ASPRV1: variants seen among roughly 807,000 people sequenced by gnomAD.
ASPRV1 encodes retroviral-like aspartic protease 1.
A neutral mutation model predicts 11.0 loss-of-function variants in ASPRV1; 7 were observed. The ratio of observed to expected loss-of-function variants is 0.64; its 90% confidence interval spans 0.36 to 1.20. The LOEUF (loss-of-function observed/expected upper bound fraction) is 1.20, where lower values mean the gene tolerates loss of function less well. ASPRV1 is among the 50% of genes most tolerant of loss of function. ASPRV1 has a pLI of 0.02. For synonymous variants in ASPRV1, 136 were observed against 138.4 expected, an observed-to-expected ratio of 0.98 and a Z score of 0.12; for missense variants, 299 against 320.0, an observed-to-expected ratio of 0.93 and a Z score of 0.50.
At chr2:70,045,750 C>G in the ASPRV1 span, 2 of 152,128 alleles carry the variant, frequency 1.3e-5, no homozygotes, top group African/African-American at 4.8e-5. Context: ...TGGTGAAACC[C>G]TGTCTCTACT....
chr2:70,054,621 G>A, the ASPRV1 span, among the ~76,000 whole-genome samples: 5 of 151,720 alleles, frequency 3.3e-5, no homozygotes, highest in Non-Finnish European at 7.4e-5. Flanking sequence ...TAATAAGAGG[G>A]CTCCAGGATT....
the ASPRV1 span, among the ~76,000 whole-genome samples, chr2:70,006,678 A>G: frequency 1.3e-5 from 2 of 152,196 alleles, no homozygotes; most frequent in Admixed American, 6.5e-5. Flanking sequence ...GCCTCAGGGT[A>G]CAAGAACATC....
chr2:69,988,903 C>T, the ASPRV1 span: 1 of 417,230 alleles, frequency 2.4e-6, no homozygotes, highest in South Asian at 1.7e-5. Context: ...AATCTCTGTA[C>T]CCAGAACGGC....
the ASPRV1 span, chr2:69,940,227 C>A: frequency 6.6e-6 from 1 of 150,754 alleles, no homozygotes; most frequent in Admixed American, 6.6e-5. Flanking sequence ...ACTTGTATGC[C>A]TTTTGCATTT....
At chr2:69,980,689 C>T in the ASPRV1 span, among the ~76,000 whole-genome samples, 8 of 152,170 alleles carry the variant, frequency 5.3e-5, no homozygotes, top group Admixed American at 3.3e-4. Flanking sequence ...AAGATAGGAA[C>T]GTTAGAGGAA....
At chr2:70,085,636 A>C in the ASPRV1 span, 2 of 95,516 alleles carry the variant, frequency 2.1e-5, no homozygotes, top group Admixed American at 2.8e-4. Flanking sequence ...TGTTTAAAAG[A>C]GAGAGAGAGA....
the ASPRV1 span, among the ~76,000 whole-genome samples, chr2:69,967,174 T>C: frequency 6.6e-6 from 1 of 152,168 alleles, no homozygotes. Flanking sequence ...CAACACCGCC[T>C]CACTTGGAGA....
At chr2:70,007,572 G>C in the ASPRV1 span, among the ~76,000 whole-genome samples, 1 of 150,684 alleles carries the variant, frequency 6.6e-6, no homozygotes, top group African/African-American at 2.4e-5. Flanking sequence ...TTAATAATAA[G>C]TAATAAATAT....
the ASPRV1 span, among the ~76,000 whole-genome samples, chr2:69,982,271 G>A: frequency 1.3e-5 from 2 of 149,984 alleles, no homozygotes; most frequent in East Asian, 4.0e-4. Flanking sequence ...CTGGGCAAGA[G>A]AGAGAGACCT....
the ASPRV1 span, among the ~76,000 whole-genome samples, chr2:69,954,719 A>C: frequency 1.3e-5 from 2 of 152,034 alleles, no homozygotes; most frequent in Admixed American, 1.3e-4. Context: ...TAAAGACTCA[A>C]CTTAAAGATC....
At chr2:70,073,300 A>G in the ASPRV1 span, 1 of 152,190 alleles carries the variant, frequency 6.6e-6, no homozygotes, top group Admixed American at 6.6e-5. Flanking sequence ...CTAAATAAAA[A>G]CAAAACAAAC....
the ASPRV1 span, among the ~76,000 whole-genome samples, chr2:70,006,851 T>C: frequency 6.6e-6 from 1 of 152,216 alleles, no homozygotes; most frequent in Non-Finnish European, 1.5e-5. Context: ...GTGTATTTTA[T>C]GGCTATACCA....
the ASPRV1 span, among the ~76,000 whole-genome samples, chr2:70,041,951 G>C: frequency 2.6e-5 from 4 of 152,096 alleles, no homozygotes; most frequent in African/African-American, 9.7e-5. Context: ...CCTTCATCTG[G>C]AATTTCAGAT....
chr2:69,996,158 G>C, the ASPRV1 span, among the ~76,000 whole-genome samples: 30 of 138,904 alleles, frequency 2.2e-4, no homozygotes, highest in Middle Eastern at 4.5e-3. Flanking sequence ...AGGGAGGATC[G>C]CTTGAGCCCA....
chr2:69,963,496 G>A (rs564923365), upstream of ASPRV1: 1 of 451,142 alleles, frequency 2.2e-6, no homozygotes, highest in South Asian at 1.5e-5. Context: ...TGCACATCTG[G>A]TCCCCTGGAA....
the ASPRV1 span, among the ~76,000 whole-genome samples, chr2:70,010,716 A>T: frequency 6.6e-6 from 1 of 152,150 alleles, no homozygotes; most frequent in Non-Finnish European, 1.5e-5. Context: ...TGAACATGAG[A>T]GCTGCTTCCT....
the ASPRV1 span, among the ~76,000 whole-genome samples, chr2:70,023,598 C>T: frequency 6.6e-6 from 1 of 150,686 alleles, no homozygotes; most frequent in Admixed American, 6.6e-5. Context: ...ACTTGAACCC[C>T]GGGAGGCAGA....
At position 69,960,427 on chromosome 2, in the gene ASPRV1, G is replaced by A; in HGVS notation, c.*230C>T. 1 of 528,542 alleles carries A rather than the reference G, an allele frequency of 1.9e-6. No individual in the cohort carries two copies. The highest frequency in any genetic ancestry group is 2.9e-5 in the South Asian group (1 of 33,920). 32.7% of individuals were successfully genotyped at this position (528,542 alleles called of 1,614,324 possible). On this transcript the variant is annotated 3_prime_UTR_variant, in exon 1 of 1. Transcript: ENST00000320256. ...TCAACAGCAGCTTGATGACCATGGGGACCCTGTCCCTCTAAGCCAGCCTGC... is the reference window on the plus strand; with the variant it reads ...TCAACAGCAGCTTGATGACCATGGGAACCCTGTCCCTCTAAGCCAGCCTGC...
chr2:70,068,946 C>CAAAAAAAAA, the ASPRV1 span, among the ~76,000 whole-genome samples: 3 of 59,080 alleles, frequency 5.1e-5, no homozygotes, highest in Non-Finnish European at 1.0e-4. Flanking sequence ...ACTCTTGTCT[C>CAAAAAAAAA]AAAAAAAAAA....
Sources: gnomAD v4.1 joint callset for allele counts (sites outside exome capture counted in the v4.1 genomes callset) on GRCh38, gnomAD v4.1.1 for gene constraint, MANE v1.5 for transcripts, NCBI Gene and HGNC (gene_info 2026-07-23, HGNC 2026-07-21) for gene names.